The following FAT3 variants were observed in gnomAD, a reference collection of about 807,000 sequenced individuals.
FAT3 encodes the protein FAT atypical cadherin 3.
In FAT3, 95 loss-of-function variants were observed where a neutral mutation model predicts 310.2. The ratio of observed to expected loss-of-function variants is 0.31; its 90% CI spans 0.26 to 0.36. FAT3 has a LOEUF of 0.36. Among genes scored for constraint, FAT3 ranks in the 10% least tolerant of loss-of-function variants. The pLI is 1.00. For missense variants in FAT3, 5,408 were observed against 5,715.6 expected (o/e 0.95, Z 1.74); for synonymous variants, 2,314 against 2,192.9 (o/e 1.06, Z -1.54).
rs1948616428 is a variant in FAT3 at position 92,844,033 on chromosome 11, A to G, written c.10666A>G (p.Ile3556Val). 6.2e-7 allele frequency: 1 copy of G among 1,613,822 alleles called. No individual in the cohort carries two copies. The highest frequency in any genetic ancestry group is 1.3e-5 in the African/African-American group (1 of 74,898). Residue 3556 changes from isoleucine to valine, a missense_variant, in exon 19 of 28, where the codon ATT (isoleucine) becomes GTT (valine). Around this residue, in one of 5 missense-constraint regions of FAT3, gnomAD observed 4,588 missense variants for 4,809.8 expected, o/e 0.95. Coordinates refer to ENST00000525166, the MANE Select transcript of FAT3 (RefSeq NM_001367949.2). ...THKPTAIPLE[I>V]FIVTMEDDFP... The stretch of plus-strand genomic sequence containing the variant: ...CAAGCCCACAGCCATTCCCCTGGAA[A>G]TTTTCATTGTCACCATGGAGGATGA...
At chr11:92,666,287 C>T (rs1197233413) in intron 3 of FAT3, among the ~76,000 whole-genome samples, 1 of 151,644 alleles carries the variant, frequency 6.6e-6, no homozygotes. Flanking sequence ...GGCTGAGGAG[C>T]AGCTAATACT....
intron 3 of FAT3, among the ~76,000 whole-genome samples, chr11:92,654,878 A>C (rs1482737958): frequency 1.3e-5 from 2 of 152,224 alleles, no homozygotes; most frequent in Non-Finnish European, 2.9e-5. Flanking sequence ...ATAAGATTCA[A>C]GTTCCATAAT....
At chr11:92,291,352 T>A (rs1355603178) in intron 1 of FAT3, among the ~76,000 whole-genome samples, 1 of 152,104 alleles carries the variant, frequency 6.6e-6, no homozygotes, top group Non-Finnish European at 1.5e-5. Flanking sequence ...CTTGTACTCA[T>A]GAAATCAAGC....
At chr11:92,716,855 C>T (rs1009035934) in intron 4 of FAT3, among the ~76,000 whole-genome samples, 1 of 152,160 alleles carries the variant, frequency 6.6e-6, no homozygotes, top group Non-Finnish European at 1.5e-5. Context: ...CAGTGAATAA[C>T]AACTGATAGA....
intron 2 of FAT3, among the ~76,000 whole-genome samples, chr11:92,390,226 T>C (rs1470437584): frequency 6.6e-6 from 1 of 152,112 alleles, no homozygotes; most frequent in East Asian, 1.9e-4. Flanking sequence ...AAAGCTTTCC[T>C]CCCTATATAA....
At chr11:92,406,005 A>G (rs1950128780) in intron 2 of FAT3, among the ~76,000 whole-genome samples, 1 of 152,234 alleles carries the variant, frequency 6.6e-6, no homozygotes, top group Non-Finnish European at 1.5e-5. Context: ...GAATATTTCA[A>G]GACATATTCT....
At chr11:92,718,156 T>C (rs1944744356) in intron 4 of FAT3, among the ~76,000 whole-genome samples, 1 of 152,136 alleles carries the variant, frequency 6.6e-6, no homozygotes, top group Non-Finnish European at 1.5e-5. Context: ...TGACCAGTTT[T>C]CATGATGTGG....
intron 4 of FAT3, among the ~76,000 whole-genome samples, chr11:92,710,962 A>G (rs775084459): frequency 3.3e-5 from 5 of 152,218 alleles, no homozygotes; most frequent in Non-Finnish European, 7.3e-5. Flanking sequence ...TAAAAATACA[A>G]TTATTTCCGA....
intron 1 of FAT3, among the ~76,000 whole-genome samples, chr11:92,260,150 C>A (rs1865487188): frequency 6.6e-6 from 1 of 152,080 alleles, no homozygotes; most frequent in African/African-American, 2.4e-5. Flanking sequence ...TTGGCTGTAG[C>A]CCCTTTCCTC....
chr11:92,832,348 A>G (rs1013220851), intron 14 of FAT3, among the ~76,000 whole-genome samples: 2 of 151,870 alleles, frequency 1.3e-5, no homozygotes, highest in African/African-American at 4.8e-5. Flanking sequence ...AAAAATAATA[A>G]TAGTAAGAAT....
At chr11:92,859,015 A>T in intron 20 of FAT3, 150 bp from the exon 21 acceptor site, 1 of 620,998 alleles carries the variant, frequency 1.6e-6, no homozygotes, top group Non-Finnish European at 2.5e-6. Flanking sequence ...ACTGGTTTTT[A>T]ATCAAAAATG....
chr11:92,610,355 A>C (rs1231588813), intron 3 of FAT3, among the ~76,000 whole-genome samples: 1 of 152,194 alleles, frequency 6.6e-6, no homozygotes, highest in Non-Finnish European at 1.5e-5. Flanking sequence ...TAAATTCTAC[A>C]CAGGCCTTCA....
intron 3 of FAT3, among the ~76,000 whole-genome samples, chr11:92,629,658 GC>G (rs1565471111): frequency 6.6e-6 from 1 of 152,012 alleles, no homozygotes; most frequent in Non-Finnish European, 1.5e-5. Flanking sequence ...CAATCCTCCT[GC>G]CTCAGCCTCC....
chr11:92,436,115 T>C (rs189316483), intron 2 of FAT3, among the ~76,000 whole-genome samples: 2 of 152,144 alleles, frequency 1.3e-5, no homozygotes, highest in African/African-American at 2.4e-5. Flanking sequence ...CTTGCTTTTT[T>C]AAATTTTTCT....
intron 2 of FAT3, among the ~76,000 whole-genome samples, chr11:92,383,099 T>C (rs1949537955): frequency 1.3e-5 from 2 of 152,354 alleles, no homozygotes; most frequent in South Asian, 2.1e-4. Flanking sequence ...TTTGGTTTTT[T>C]GTTCCTGCAT....
chr11:92,257,828 C>T (rs115171012), intron 1 of FAT3, among the ~76,000 whole-genome samples: 2 of 152,226 alleles, frequency 1.3e-5, no homozygotes, highest in African/African-American at 4.8e-5. Flanking sequence ...TATGATTGAG[C>T]ATTTTACTTT....
At position 92,798,138 on chromosome 11, in the gene FAT3, G is replaced by A. The variant is rs1947225436; in HGVS notation, c.5125G>A (p.Asp1709Asn). ...STLIYEVKDG[D>N]INGIFTINPY... ...CCTCATTTATGAAGTCAAAGATGGA[G>A]ACATTAATGGGATCTTTACCATAAA... The change falls in exon 10 of 28, where the codon GAC becomes AAC. Residue 1709 changes from aspartate to asparagine, a missense_variant. Around this residue, in one of 5 missense-constraint regions of FAT3, gnomAD observed 4,588 missense variants for 4,809.8 expected, o/e 0.95. Transcript: ENST00000525166. The A allele has an allele frequency of 6.2e-7, 1 of 1,613,920 alleles. No individual in the cohort carries two copies. The highest frequency in any genetic ancestry group is 1.3e-5 in the African/African-American group (1 of 75,012).
chr11:92,789,969 T>C lies in FAT3; in HGVS notation c.4362T>C (p.Asn1454=). 3.1e-6 allele frequency: 5 copies of C among 1,613,742 alleles called. No individual in the cohort carries two copies. Among genetic ancestry groups the C allele is most frequent in the Non-Finnish European group, 4.2e-6 (5 of 1,179,706 alleles). The change falls in exon 8 of 28, where the codon AAT becomes AAC. Residue 1454 remains asparagine, a synonymous_variant. Coordinates refer to ENST00000525166, the MANE Select transcript of FAT3 (RefSeq NM_001367949.2). ...TQVFIKVLDN[N]DNGPEFSQPN... The stretch of plus-strand genomic sequence containing the variant: ...TATTTATCAAAGTGCTGGATAATAA[T>C]GATAATGGCCCAGAATTCTCTCAGC...
chr11:92,634,919 C>A (rs1941703121), intron 3 of FAT3, among the ~76,000 whole-genome samples: 1 of 152,178 alleles, frequency 6.6e-6, no homozygotes, highest in Admixed American at 6.5e-5. Context: ...GGAGACCACA[C>A]AGCGTTCTCT....
Sources: gnomAD v4.1 joint callset for allele counts (sites outside exome capture counted in the v4.1 genomes callset) on GRCh38, gnomAD v4.1.1 for gene constraint, gnomAD v4.1.1 regional missense constraint, MANE v1.5 for transcripts, NCBI Gene and HGNC (gene_info 2026-07-23, HGNC 2026-07-21) for gene names.